TRAF3: variants seen among roughly 807,000 people sequenced by gnomAD.
TRAF3 encodes the protein TNF receptor-associated factor 3.
Under a neutral mutation model 62.3 loss-of-function variants are expected in TRAF3, and 13 were observed. The ratio of observed to expected loss-of-function variants is 0.21; its 90% CI spans 0.14 to 0.33. TRAF3 has a LOEUF of 0.33. TRAF3 is among the 10% of genes least tolerant of loss of function. The pLI is 1.00. For missense variants in TRAF3, 440 were observed against 741.8 expected, an observed-to-expected ratio of 0.59 and a Z score of 4.73; for synonymous variants, 269 against 283.4, an observed-to-expected ratio of 0.95 and a Z score of 0.51.
At chr14:102,780,968 C>CCGTT (rs1403363184) in intron 1 of TRAF3, among the ~76,000 whole-genome samples, 37 of 152,212 alleles carry the variant, frequency 2.4e-4, no homozygotes, top group Admixed American at 1.7e-3. Context: ...AGGGTGCTAA[C>CCGTT]CCTTCGGGGG....
chr14:102,887,021 G>A (rs1440776215), intron 7 of TRAF3, among the ~76,000 whole-genome samples: 1 of 152,168 alleles, frequency 6.6e-6, no homozygotes, highest in East Asian at 1.9e-4. Flanking sequence ...GCCCCTGTGT[G>A]GCCTCTCCCA....
At chr14:102,786,039 A>T (rs575345058) in intron 1 of TRAF3, among the ~76,000 whole-genome samples, 2 of 152,276 alleles carry the variant, frequency 1.3e-5, no homozygotes, top group South Asian at 4.1e-4. Context: ...GGCTCACTTC[A>T]TTCTTTCTAT....
intron 6 of TRAF3, among the ~76,000 whole-genome samples, chr14:102,881,488 A>G (rs569239865): frequency 1.3e-5 from 2 of 152,320 alleles, no homozygotes; most frequent in South Asian, 4.1e-4. Flanking sequence ...AAACTAACAC[A>G]GGAACAGAAA....
chr14:102,883,192 A>G (rs377529460), intron 6 of TRAF3, among the ~76,000 whole-genome samples: 3 of 152,228 alleles, frequency 2.0e-5, no homozygotes, highest in African/African-American at 7.2e-5. Context: ...ACCCATCAGC[A>G]GGTGGAAATT....
At chr14:102,862,190 T>G (rs530327721) in intron 2 of TRAF3, among the ~76,000 whole-genome samples, 2 of 152,274 alleles carry the variant, frequency 1.3e-5, no homozygotes, top group East Asian at 1.9e-4. Context: ...ATATATTTTT[T>G]GGGGATCTCA....
chr14:102,864,481 A>C (rs1444410241), intron 2 of TRAF3, among the ~76,000 whole-genome samples: 1 of 152,098 alleles, frequency 6.6e-6, no homozygotes, highest in Admixed American at 6.6e-5. Context: ...GTGTATATTG[A>C]AGGATGGACT....
chr14:102,895,131 GAATT>G, intron 9 of TRAF3: 1 of 455,790 alleles, frequency 2.2e-6, no homozygotes, highest in Non-Finnish European at 4.4e-6. Context: ...GGAAATGAAT[GAATT>G]GTTACTTTCA....
At chr14:102,897,426 G>T in intron 10 of TRAF3, 25 bp downstream of exon 10, 5 of 1,612,196 alleles carry the variant, frequency 3.1e-6, no homozygotes, top group Non-Finnish European at 4.2e-6. Flanking sequence ...ACTACGGCCA[G>T]ATCAAAGGGT....
At chr14:102,806,043 C>T (rs552407607) in intron 1 of TRAF3, among the ~76,000 whole-genome samples, 67 of 151,366 alleles carry the variant, frequency 4.4e-4, no homozygotes, top group African/African-American at 1.6e-3. Context: ...AGTTTCGTAC[C>T]CTAGGGGGCA....
chr14:102,789,088 A>G (rs1446634500), intron 1 of TRAF3, among the ~76,000 whole-genome samples: 1 of 152,126 alleles, frequency 6.6e-6, no homozygotes, highest in Non-Finnish European at 1.5e-5. Flanking sequence ...GGATTTGCCT[A>G]TTTTAGATAT....
intron 1 of TRAF3, among the ~76,000 whole-genome samples, chr14:102,785,734 C>T (rs918348302): frequency 3.3e-5 from 5 of 152,164 alleles, no homozygotes; most frequent in African/African-American, 9.7e-5. Flanking sequence ...AGGTTTTGAA[C>T]GTGCAACCAG....
At chr14:102,868,193 G>C (rs2139816752) in intron 2 of TRAF3, among the ~76,000 whole-genome samples, 1 of 152,368 alleles carries the variant, frequency 6.6e-6, no homozygotes, top group South Asian at 2.1e-4. Context: ...GGTGAGTTGT[G>C]AAAGAAACTT....
intron 10 of TRAF3, among the ~76,000 whole-genome samples, chr14:102,899,500 C>T (rs1337387217): frequency 6.6e-6 from 1 of 152,174 alleles, no homozygotes; most frequent in Non-Finnish European, 1.5e-5. Flanking sequence ...ACCTTCCCAG[C>T]TTCGCCCCAC....
At chr14:102,879,585 GGA>G (rs1200214943) in intron 6 of TRAF3, among the ~76,000 whole-genome samples, 1 of 151,788 alleles carries the variant, frequency 6.6e-6, no homozygotes. Context: ...CAAAATTTAG[GGA>G]GAGTTTCTTT....
At chr14:102,778,943 T>C (rs1316666432) in intron 1 of TRAF3, among the ~76,000 whole-genome samples, 1 of 152,204 alleles carries the variant, frequency 6.6e-6, no homozygotes, top group East Asian at 1.9e-4. Context: ...CGTTCTTTTC[T>C]CAAATGAGAG....
chr14:102,810,380 A>T (rs780979181), intron 1 of TRAF3, among the ~76,000 whole-genome samples: 4 of 152,194 alleles, frequency 2.6e-5, no homozygotes, highest in Non-Finnish European at 5.9e-5. Flanking sequence ...CCCTTTTACA[A>T]GTTGAAGCTT....
At chr14:102,818,286 A>G (rs1372106932) in intron 1 of TRAF3, among the ~76,000 whole-genome samples, 3 of 152,184 alleles carry the variant, frequency 2.0e-5, no homozygotes, top group Non-Finnish European at 4.4e-5. Flanking sequence ...CCTCTTTCCC[A>G]TTGATCACAT....
chr14:102,889,743 G>T, intron 8 of TRAF3, 109 bp downstream of exon 8: 1 of 1,327,922 alleles, frequency 7.5e-7, no homozygotes. Flanking sequence ...TCTTTGTCAT[G>T]AAACTGAAAC....
chr14:102,824,968 A>G (rs1900210836), intron 1 of TRAF3, among the ~76,000 whole-genome samples: 1 of 152,212 alleles, frequency 6.6e-6, no homozygotes, highest in African/African-American at 2.4e-5. Flanking sequence ...CTTCCTGCAG[A>G]AAGAGAATGC....
Sources: allele counts gnomAD v4.1 joint callset (sites outside exome capture counted in the v4.1 genomes callset), GRCh38; gene constraint gnomAD v4.1.1; transcripts MANE v1.5; gene names NCBI Gene and HGNC (gene_info 2026-07-23, HGNC 2026-07-21).